The following CTTNBP2NL variants were observed in gnomAD, a reference collection of about 807,000 sequenced individuals.
CTTNBP2NL encodes the protein CTTNBP2 N-terminal like, also known as CTTNBP2 N-terminal-like protein.
A neutral mutation model predicts 32.5 loss-of-function variants in CTTNBP2NL; 16 were observed. That is an observed-to-expected ratio of 0.49 (90% CI 0.33 to 0.75). The LOEUF is 0.75. Ranked by LOEUF, CTTNBP2NL falls within the 30% of genes least tolerant of loss-of-function variation. The probability of loss-of-function intolerance (pLI) is 0.02; values close to 1 mark genes in which losing one functional copy is unlikely to be tolerated. For synonymous variants in CTTNBP2NL, 298 were observed against 289.4 expected (o/e 1.03, Z -0.30); for missense variants, 645 against 756.0 (o/e 0.85, Z 1.72).
At chr1:112,424,692 C>T (rs1649337955) in intron 3 of CTTNBP2NL, among the ~76,000 whole-genome samples, 1 of 152,114 alleles carries the variant, frequency 6.6e-6, no homozygotes, top group South Asian at 2.1e-4. Context: ...TTTAATTTCT[C>T]TCAGCAGTGC....
upstream of CTTNBP2NL, among the ~76,000 whole-genome samples, chr1:112,392,747 A>G (rs1648215420): frequency 6.6e-6 from 1 of 152,144 alleles, no homozygotes; most frequent in African/African-American, 2.4e-5. Flanking sequence ...ATGTAGTTAC[A>G]CGCCAATGAT....
rs558166394 is a variant in CTTNBP2NL, at chr1:112,428,299, A to AT, written c.99+12042dup. 2.3e-3 allele frequency among the ~76,000 whole-genome samples: 345 copies of AT among 152,184 alleles called. 2 individuals carry two copies. The highest frequency in any genetic ancestry group is 7.8e-3 in the African/African-American group (323 of 41,512). On this transcript the variant is annotated intron_variant, in intron 3 of 5. Coordinates refer to ENST00000271277, the MANE Select transcript of CTTNBP2NL (RefSeq NM_018704.3). ...AAGTAACAATAATCTTGTACAACAC[A>AT]TTTTTTTCTCAACTCTCAGTTTATT...
rs1483929128 is a variant in CTTNBP2NL, at chr1:112,459,590, C to T, written c.*2178C>T. ...TGAAAAATAAAAATGCTACTAATGC[C>T]CCAAGGTGTCTATCAAAATGATGTA... On this transcript the variant is annotated 3_prime_UTR_variant, in exon 6 of 6. Transcript: ENST00000271277. 1.3e-5 allele frequency: 2 copies of T among 152,074 alleles called. No individual in the cohort carries two copies. Among genetic ancestry groups the T allele is most frequent in the Non-Finnish European group, 2.9e-5 (2 of 68,026 alleles). The allele number at this position is 152,074 out of a possible 1,614,324, so 9.4% of individuals were successfully genotyped here.
At position 112,430,689 on chromosome 1, in the gene CTTNBP2NL, G is replaced by A. The variant is rs569735443; in HGVS notation, c.99+14425G>A. On this transcript the variant is annotated intron_variant, in intron 3 of 5. Coordinates refer to ENST00000271277, the MANE Select transcript of CTTNBP2NL (RefSeq NM_018704.3). ...CCGCCTCAGCCTCCCGAATAGCTGG[G>A]ACTACAGGTGCGTGCCACCTTGTCC... 4.6e-5 allele frequency among the ~76,000 whole-genome samples: 7 copies of A among 152,080 alleles called. No individual in the cohort carries two copies. The East Asian group carries it at 1.4e-3, about 29-fold the overall frequency.
intron 3 of CTTNBP2NL, among the ~76,000 whole-genome samples, chr1:112,429,128 C>T (rs531916058): frequency 6.6e-6 from 1 of 152,258 alleles, no homozygotes; most frequent in African/African-American, 2.4e-5. Flanking sequence ...TCTCTGTACC[C>T]TTGTGAAGTT....
At position 112,430,154 on chromosome 1, in the gene CTTNBP2NL, A is replaced by C. The variant is rs539585642; in HGVS notation, c.99+13890A>C. Among the ~76,000 whole-genome samples the C allele has an allele frequency of 1.4e-4, 21 of 151,514 alleles. No individual in the cohort carries two copies. The East Asian group carries it at 4.1e-3, about 29-fold the overall frequency. ...AAAAACATCAAACCCCATATATAAA[A>C]GCTAGCTCTTTTCTTTCTTTTCTTT... On this transcript the variant is annotated intron_variant, in intron 3 of 5. Coordinates refer to ENST00000271277, the MANE Select transcript of CTTNBP2NL (RefSeq NM_018704.3).
At chr1:112,416,631 T>C (rs1649074356) in intron 3 of CTTNBP2NL, among the ~76,000 whole-genome samples, 1 of 152,062 alleles carries the variant, frequency 6.6e-6, no homozygotes. Context: ...TAGCTGGGAC[T>C]ACAGGCGCAC....
chr1:112,441,753 G>A (rs1468961088), intron 3 of CTTNBP2NL, among the ~76,000 whole-genome samples: 1 of 152,032 alleles, frequency 6.6e-6, no homozygotes, highest in Admixed American at 6.6e-5. Flanking sequence ...GCTGTATAGT[G>A]GTATCTTTTT....
At chr1:112,452,832 G>A (rs1650263588) in intron 4 of CTTNBP2NL, among the ~76,000 whole-genome samples, 1 of 151,738 alleles carries the variant, frequency 6.6e-6, no homozygotes, top group South Asian at 2.1e-4. Context: ...TTGTAGAAAT[G>A]GGGTTTTGGG....
intron 1 of CTTNBP2NL, among the ~76,000 whole-genome samples, chr1:112,406,600 C>T (rs762775033): frequency 4.6e-5 from 7 of 152,138 alleles, no homozygotes; most frequent in East Asian, 1.9e-4. Context: ...TTAGTTAATA[C>T]CTGTACATGT....
Position 112,448,966 on chromosome 1 carries a change from G to A in CTTNBP2NL, c.124G>A (p.Glu42Lys), listed in dbSNP as rs764059747. ...GGCCCAACACAGAGATACTTTCATT[G>A]AAGAACGCTATGGAAAATATAACAT... ...LKAQHRDTFI[E>K]ERYGKYNISD... Residue 42 changes from glutamate (E) to lysine (K), a missense_variant, in exon 4 of 6, where the codon GAA becomes AAA. Transcript: ENST00000271277. 4.3e-6 allele frequency: 7 copies of A among 1,610,126 alleles called. No individual in the cohort carries two copies. The highest frequency in any genetic ancestry group is 5.9e-6 in the Non-Finnish European group (7 of 1,176,632).
intron 3 of CTTNBP2NL, among the ~76,000 whole-genome samples, chr1:112,423,635 G>A (rs1359894615): frequency 6.6e-6 from 1 of 151,686 alleles, no homozygotes; most frequent in East Asian, 2.1e-4. Context: ...CTTAAGAAAA[G>A]ATACTTAACC....
chr1:112,418,405 C>T (rs1649127022), intron 3 of CTTNBP2NL, among the ~76,000 whole-genome samples: 1 of 152,110 alleles, frequency 6.6e-6, no homozygotes, highest in Admixed American at 6.5e-5. Context: ...GCAGCCAAGA[C>T]ATGTTTGGCA....
intron 3 of CTTNBP2NL, among the ~76,000 whole-genome samples, chr1:112,432,091 TGAGACAGAG>T (rs1649583462): frequency 6.8e-6 from 1 of 146,618 alleles, no homozygotes; most frequent in Non-Finnish European, 1.5e-5. Flanking sequence ...TTTTTTTTTT[TGAGACAGAG>T]TCTCACTCTT....
upstream of CTTNBP2NL, among the ~76,000 whole-genome samples, chr1:112,393,346 G>T (rs1648229885): frequency 6.6e-6 from 1 of 152,076 alleles, no homozygotes. Flanking sequence ...AACATTTATG[G>T]AAATTTACTT....
At chr1:112,419,617 A>G (rs902832936) in intron 3 of CTTNBP2NL, among the ~76,000 whole-genome samples, 2 of 152,214 alleles carry the variant, frequency 1.3e-5, no homozygotes, top group East Asian at 1.9e-4. Context: ...GCCTTTGGTC[A>G]CGGCCTTGTA....
intron 3 of CTTNBP2NL, among the ~76,000 whole-genome samples, chr1:112,419,731 G>T (rs1649166740): frequency 6.6e-6 from 1 of 152,126 alleles, no homozygotes; most frequent in Non-Finnish European, 1.5e-5. Context: ...AAGAGAGTTT[G>T]CATTTTTTAA....
Position 112,456,255 on chromosome 1 carries a change from C to T in CTTNBP2NL, c.763C>T (p.Arg255Ter), listed in dbSNP as rs1466231309. The T allele has an allele frequency of 1.9e-6, 3 of 1,613,910 alleles. No homozygotes were observed. Among genetic ancestry groups the T allele is most frequent in the Non-Finnish European group, 2.5e-6 (3 of 1,179,988 alleles). Residue 255 changes from arginine (R) to a stop codon, truncating the protein, a stop_gained, in exon 6 of 6, where the codon CGA becomes TGA. Transcript: ENST00000271277. LOFTEE classifies it low-confidence loss of function (END_TRUNC). ...EREQLRAKLN[R>*]EENRTKTLKE... ...GGAACAACTGAGAGCAAAACTGAAC[C>T]GAGAAGAGAACCGGACCAAAACCCT...
At chr1:112,442,101 C>A (rs1364408014) in intron 3 of CTTNBP2NL, among the ~76,000 whole-genome samples, 2 of 152,120 alleles carry the variant, frequency 1.3e-5, no homozygotes, top group Non-Finnish European at 2.9e-5. Context: ...CCCAAAAGTG[C>A]TCTAAAAAAT....
Sources: allele counts gnomAD v4.1 joint callset (sites outside exome capture counted in the v4.1 genomes callset), GRCh38; gene constraint gnomAD v4.1.1; transcripts MANE v1.5; gene names NCBI Gene and HGNC (gene_info 2026-07-23, HGNC 2026-07-21).